The following PCDH9 variants were observed in gnomAD, a reference collection of about 807,000 sequenced individuals.
The protein encoded by PCDH9 is protocadherin-9.
A neutral mutation model predicts 70.6 loss-of-function variants in PCDH9; 24 were observed. The observed-to-expected ratio is 0.34, with a 90% CI of 0.25 to 0.48. The LOEUF is 0.48. Ranked by LOEUF, PCDH9 falls within the 20% of genes least tolerant of loss-of-function variation. The pLI is 0.99. For synonymous variants in PCDH9, 562 were observed against 558.5 expected, an observed-to-expected ratio of 1.01 and a Z score of -0.09; for missense variants, 1,281 against 1,503.6, an observed-to-expected ratio of 0.85 and a Z score of 2.45.
chr13:66,633,210 A>T (rs576386422), intron 3 of PCDH9, among the ~76,000 whole-genome samples: 148 of 152,310 alleles, frequency 9.7e-4, no homozygotes, highest in African/African-American at 3.4e-3. Context: ...AAAAACTATA[A>T]TCATAAATGG....
intron 3 of PCDH9, among the ~76,000 whole-genome samples, chr13:66,815,869 A>C (rs2080596204): frequency 6.6e-6 from 1 of 152,194 alleles, no homozygotes; most frequent in Non-Finnish European, 1.5e-5. Flanking sequence ...TGTGATATGT[A>C]ATTTAGCTAT....
At chr13:66,801,103 T>C (rs2080320115) in intron 3 of PCDH9, among the ~76,000 whole-genome samples, 1 of 151,586 alleles carries the variant, frequency 6.6e-6, no homozygotes, top group African/African-American at 2.4e-5. Flanking sequence ...TAGGTCTGTA[T>C]ATATCCTCAG....
intron 4 of PCDH9, among the ~76,000 whole-genome samples, chr13:66,333,568 C>A (rs953014144): frequency 1.3e-5 from 2 of 152,078 alleles, no homozygotes; most frequent in East Asian, 3.8e-4. Flanking sequence ...GAACGAAGAT[C>A]TTTATTTTTC....
chr13:67,177,777 C>T (rs1049451046), intron 2 of PCDH9, among the ~76,000 whole-genome samples: 2 of 152,098 alleles, frequency 1.3e-5, no homozygotes, highest in African/African-American at 4.8e-5. Flanking sequence ...ACTTTGCTAA[C>T]ACTGGACCTT....
chr13:66,838,198 G>C (rs2081055796), intron 3 of PCDH9, among the ~76,000 whole-genome samples: 1 of 151,676 alleles, frequency 6.6e-6, no homozygotes, highest in African/African-American at 2.4e-5. Context: ...ACTCATTACA[G>C]TCTAACTGGA....
chr13:66,605,993 T>C (rs887173707), intron 4 of PCDH9, among the ~76,000 whole-genome samples: 2 of 152,098 alleles, frequency 1.3e-5, no homozygotes, highest in African/African-American at 4.8e-5. Flanking sequence ...TTTGGGGTAG[T>C]GACATAGAAA....
At chr13:66,419,070 C>T (rs1168322842) in intron 4 of PCDH9, among the ~76,000 whole-genome samples, 1 of 152,094 alleles carries the variant, frequency 6.6e-6, no homozygotes, top group Admixed American at 6.5e-5. Context: ...AGACCAGTAA[C>T]AGGCTCTGAA....
intron 2 of PCDH9, among the ~76,000 whole-genome samples, chr13:67,063,012 A>C (rs984025984): frequency 1.3e-5 from 2 of 152,152 alleles, no homozygotes; most frequent in African/African-American, 4.8e-5. Context: ...AAGGTTATGC[A>C]AATCAGGATA....
intron 2 of PCDH9, among the ~76,000 whole-genome samples, chr13:67,178,435 C>G (rs964091163): frequency 1.3e-5 from 2 of 152,078 alleles, no homozygotes; most frequent in Admixed American, 1.3e-4. Flanking sequence ...CTATTTCTTA[C>G]TATTGTGATT....
At chr13:67,139,221 G>A (rs2087311353) in intron 2 of PCDH9, among the ~76,000 whole-genome samples, 1 of 152,196 alleles carries the variant, frequency 6.6e-6, no homozygotes, top group Non-Finnish European at 1.5e-5. Flanking sequence ...GACATCGGCT[G>A]TCACACTATG....
intron 2 of PCDH9, among the ~76,000 whole-genome samples, chr13:67,004,266 G>A (rs2139826606): frequency 6.6e-6 from 1 of 151,884 alleles, no homozygotes; most frequent in East Asian, 1.9e-4. Flanking sequence ...GCTTCTTAAA[G>A]TTTTTTAAAA....
intron 4 of PCDH9, among the ~76,000 whole-genome samples, chr13:66,472,788 T>G (rs1958645162): frequency 6.6e-6 from 1 of 152,124 alleles, no homozygotes; most frequent in Non-Finnish European, 1.5e-5. Context: ...CTTCTAAAAC[T>G]TACAAAGCAC....
intron 3 of PCDH9, among the ~76,000 whole-genome samples, chr13:66,822,922 CAT>C (rs1256762944): frequency 1.3e-5 from 2 of 151,998 alleles, no homozygotes; most frequent in Non-Finnish European, 2.9e-5. Flanking sequence ...TGCGGTATCA[CAT>C]ATATACTATA....
At chr13:66,739,167 A>G (rs1344090688) in intron 3 of PCDH9, among the ~76,000 whole-genome samples, 1 of 145,548 alleles carries the variant, frequency 6.9e-6, no homozygotes, top group Non-Finnish European at 1.5e-5. Flanking sequence ...ACAAGCTAGA[A>G]GAGAGTGGGG....
chr13:66,305,536 A>G (rs1955451362), intron 4 of PCDH9, among the ~76,000 whole-genome samples: 1 of 152,042 alleles, frequency 6.6e-6, no homozygotes, highest in Admixed American at 6.6e-5. Context: ...AATACTCTAA[A>G]TGATTATATA....
At chr13:66,486,641 A>G (rs75599399) in intron 4 of PCDH9, among the ~76,000 whole-genome samples, 5 of 146,352 alleles carry the variant, frequency 3.4e-5, no homozygotes, top group African/African-American at 1.0e-4. Flanking sequence ...ATCTCAGAAA[A>G]AAAAAAAAAA....
At chr13:66,383,905 T>G (rs1956886813) in intron 4 of PCDH9, among the ~76,000 whole-genome samples, 1 of 152,170 alleles carries the variant, frequency 6.6e-6, no homozygotes, top group Admixed American at 6.5e-5. Flanking sequence ...TGAACATCAT[T>G]AAATATATGT....
intron 4 of PCDH9, among the ~76,000 whole-genome samples, chr13:66,341,630 G>A (rs1487975626): frequency 1.3e-5 from 2 of 152,044 alleles, no homozygotes; most frequent in African/African-American, 4.8e-5. Context: ...TGATTCTGTT[G>A]GTTTTTCTGC....
At chr13:66,385,062 T>C (rs573064831) in intron 4 of PCDH9, among the ~76,000 whole-genome samples, 2 of 152,196 alleles carry the variant, frequency 1.3e-5, no homozygotes, top group Admixed American at 1.3e-4. Flanking sequence ...TTATTCTCTA[T>C]GTATTTGACA....
Sources: allele counts gnomAD v4.1 joint callset (sites outside exome capture counted in the v4.1 genomes callset), GRCh38; gene constraint gnomAD v4.1.1; transcripts MANE v1.5; gene names NCBI Gene and HGNC (gene_info 2026-07-23, HGNC 2026-07-21).